The following PARP4 variants were observed in gnomAD, a reference collection of about 807,000 sequenced individuals.
The protein encoded by PARP4 is poly(ADP-ribose) polymerase family member 4.
A neutral mutation model predicts 187.7 loss-of-function variants in PARP4; 120 were observed. The observed-to-expected ratio is 0.64, with a 90% CI of 0.55 to 0.74. The LOEUF (loss-of-function observed/expected upper bound fraction) is 0.74, where lower values mean the gene tolerates loss of function less well. Among genes scored for constraint, PARP4 ranks in the 30% least tolerant of loss-of-function variants. The probability of loss-of-function intolerance (pLI) is 0.00; values close to 1 mark genes in which losing one functional copy is unlikely to be tolerated. For synonymous variants in PARP4, 654 were observed against 740.9 expected, an observed-to-expected ratio of 0.88 and a Z score of 1.90; for missense variants, 1,836 against 2,070.5, an observed-to-expected ratio of 0.89 and a Z score of 2.20.
At chr13:24,428,881 T>G (rs1870190449) in intron 32 of PARP4, among the ~76,000 whole-genome samples, 1 of 97,326 alleles carries the variant, frequency 1.0e-5, no homozygotes, top group Non-Finnish European at 2.3e-5. Flanking sequence ...GGTGCTGTCT[T>G]TGATCAATTT....
intron 22 of PARP4, among the ~76,000 whole-genome samples, chr13:24,454,649 A>T (rs1871723402): frequency 6.6e-6 from 1 of 152,192 alleles, no homozygotes; most frequent in South Asian, 2.1e-4. Context: ...TCAGTTGCTA[A>T]TGACAACAGT....
intron 32 of PARP4, among the ~76,000 whole-genome samples, chr13:24,429,491 G>C (rs1870225143): frequency 6.6e-6 from 1 of 152,136 alleles, no homozygotes; most frequent in South Asian, 2.1e-4. Flanking sequence ...TCCTGTGTAG[G>C]CTTTGTTTTA....
At chr13:24,423,643 T>TA (rs894659321) in intron 33 of PARP4, among the ~76,000 whole-genome samples, 1 of 152,146 alleles carries the variant, frequency 6.6e-6, no homozygotes, top group Non-Finnish European at 1.5e-5. Flanking sequence ...TATTGCTTTT[T>TA]AAAAAATGGA....
In PARP4 at chr13:24,435,433, G is replaced by A. The variant is rs1410153286; in HGVS notation, c.3708C>T (p.Ser1236=). ...ASSEWPELRL[S]KRKHRKIPFS... is the part of the protein sequence containing the mutation. ...ATGGAATTTTCCTATGTTTTCGTTT[G>A]GATAAACGTAATTCTGGCCACTCAG... Residue 1236 remains serine (S), a synonymous_variant, in exon 31 of 34, where the codon TCC becomes TCT. Coordinates refer to ENST00000381989, the MANE Select transcript of PARP4 (RefSeq NM_006437.4). The A allele has an allele frequency of 4.4e-6, 7 of 1,608,822 alleles. No individual in the cohort carries two copies. The highest frequency in any genetic ancestry group is 5.9e-6 in the Non-Finnish European group (7 of 1,178,870).
rs148711472 is a variant in PARP4, at chr13:24,490,659, T to C, written c.1214+9A>G. The stretch of plus-strand genomic sequence containing the variant: ...ATAACAGATCCTGAGATATTTCCTT[T>C]ATGCTTACCTGTGATGATTCTGCAA... On this transcript the variant is annotated intron_variant, in intron 10 of 33. Transcript: ENST00000381989. The C allele has an allele frequency of 6.0e-5, 97 of 1,605,444 alleles. 3 individuals carry two copies. In the African/African-American group the frequency reaches 1.0e-3, roughly 17 times the overall value.
At chr13:24,492,663 C>A in intron 8 of PARP4, 69 bp from the exon 9 acceptor site, 1 of 1,260,430 alleles carries the variant, frequency 7.9e-7, no homozygotes, top group Admixed American at 2.1e-5. Context: ...ATGCACAAAA[C>A]TATATAAATA....
chr13:24,498,266 G>T, intron 5 of PARP4, 37 bp from the exon 6 acceptor site: 2 of 1,291,874 alleles, frequency 1.5e-6, no homozygotes, highest in Non-Finnish European at 2.3e-6. Flanking sequence ...GCTGCACTCG[G>T]GAAACATCAA....
intron 1 of PARP4, 141 bp downstream of exon 1, chr13:24,512,565 C>G (rs900947861): frequency 2.0e-5 from 3 of 152,314 alleles, no homozygotes; most frequent in Non-Finnish European, 4.4e-5. Context: ...CACTCCCGAG[C>G]CTAGCAGCGC....
At chr13:24,494,367 T>C (rs1171400426) in intron 7 of PARP4, among the ~76,000 whole-genome samples, 1 of 152,154 alleles carries the variant, frequency 6.6e-6, no homozygotes, top group Non-Finnish European at 1.5e-5. Flanking sequence ...GTAATGTTTT[T>C]CAGTTTACGT....
chr13:24,429,406 T>C (rs1870221171), intron 32 of PARP4, among the ~76,000 whole-genome samples: 1 of 152,198 alleles, frequency 6.6e-6, no homozygotes, highest in Non-Finnish European at 1.5e-5. Context: ...ATACTGAACA[T>C]TAAAAATGAC....
In PARP4 at chr13:24,452,537, G is replaced by A; in HGVS notation, c.2883C>T (p.Ser961=). 1 of 1,614,086 alleles carries A rather than the reference G, an allele frequency of 6.2e-7. No homozygotes were observed. Among genetic ancestry groups the A allele is most frequent in the Non-Finnish European group, 8.5e-7 (1 of 1,179,972 alleles). The stretch of plus-strand genomic sequence containing the variant: ...GTGACCCTCGAGCAGGGTACAATAA[G>A]CTAAGATATCGGAGTGTTTTCCAGA... The part of the protein sequence containing the change: ...TDFWKTLRYL[S]LLYPARGSRN... The change falls in exon 24 of 34, where the codon AGC becomes AGT. Residue 961 remains serine (S), a synonymous_variant. Transcript: ENST00000381989.
chr13:24,428,970 TATC>T (rs1433892693), intron 32 of PARP4, among the ~76,000 whole-genome samples: 1 of 152,178 alleles, frequency 6.6e-6, no homozygotes, highest in Non-Finnish European at 1.5e-5. Context: ...AACCTTTTGA[TATC>T]ATTCCACAGT....
chr13:24,489,907 C>T (rs1868539236), intron 10 of PARP4, among the ~76,000 whole-genome samples: 1 of 152,198 alleles, frequency 6.6e-6, no homozygotes, highest in African/African-American at 2.4e-5. Flanking sequence ...GTTTAACAAC[C>T]AGCTCACCAA....
rs1365343445 is a variant in PARP4 at position 24,492,612 on chromosome 13, A to T, written c.880-18T>A. 1 of 1,594,230 alleles carries T rather than the reference A, an allele frequency of 6.3e-7. No homozygotes were observed. Among genetic ancestry groups the T allele is most frequent in the African/African-American group, 1.3e-5 (1 of 74,430 alleles). On this transcript the variant is annotated intron_variant, in intron 8 of 33. Coordinates refer to ENST00000381989, the MANE Select transcript of PARP4 (RefSeq NM_006437.4). ...TTGCTCACCTTTCAACAGATCATAT[A>T]TGCTTATTACAATGAAATCTCAATA... is the stretch of plus-strand genomic sequence containing the variant.
intron 17 of PARP4, among the ~76,000 whole-genome samples, chr13:24,460,456 A>ATGGGTGGG (rs1872157530): frequency 9.6e-5 from 12 of 124,540 alleles, no homozygotes; most frequent in Non-Finnish European, 3.7e-5. Context: ...GCTCTGCTGC[A>ATGGGTGGG]CGGGTGGGCT....
intron 2 of PARP4, 63 bp from the exon 3 acceptor site, chr13:24,501,897 G>C (rs959268744): frequency 9.9e-7 from 1 of 1,009,078 alleles, no homozygotes; most frequent in Non-Finnish European, 1.5e-6. Flanking sequence ...TAAGATATTT[G>C]TATCTGTAAT....
intron 24 of PARP4, among the ~76,000 whole-genome samples, chr13:24,451,755 C>T (rs996973813): frequency 5.3e-5 from 8 of 152,116 alleles, no homozygotes; most frequent in Non-Finnish European, 7.4e-5. Context: ...CCCCTCTGTT[C>T]GATGTTTTCC....
chr13:24,456,073 T>C (rs41327445), intron 21 of PARP4, among the ~76,000 whole-genome samples: 5,440 of 152,284 alleles, frequency 0.036, 134 homozygotes, highest in African/African-American at 0.07. Flanking sequence ...CCCAATGTAA[T>C]GTCTGATGGC....
intron 2 of PARP4, among the ~76,000 whole-genome samples, chr13:24,502,404 C>T (rs540021913): frequency 2.6e-5 from 4 of 152,236 alleles, no homozygotes; most frequent in South Asian, 2.1e-4. Context: ...ATAATGACGA[C>T]GTATTAACTT....
Sources: allele counts gnomAD v4.1 joint callset (sites outside exome capture counted in the v4.1 genomes callset), GRCh38; gene constraint gnomAD v4.1.1; transcripts MANE v1.5; gene names NCBI Gene and HGNC (gene_info 2026-07-23, HGNC 2026-07-21).